Variants in ADGRL2 observed in about 807,000 individuals in gnomAD.
ADGRL2 encodes adhesion G protein-coupled receptor L2.
In ADGRL2, 44 loss-of-function variants were observed where a neutral mutation model predicts 157.4. The observed-to-expected ratio is 0.28, with a 90% CI of 0.22 to 0.36. The LOEUF (loss-of-function observed/expected upper bound fraction) is 0.36. ADGRL2 is among the 10% of genes least tolerant of loss of function. The pLI, the probability that ADGRL2 is intolerant of heterozygous loss-of-function variation, is 1.00. For synonymous variants in ADGRL2, 585 were observed against 624.7 expected (o/e 0.94, Z 0.95); for missense variants, 1,510 against 1,768.9 (o/e 0.85, Z 2.63).
chr1:81,604,741 A>C (rs2081399764), intron 3 of ADGRL2, among the ~76,000 whole-genome samples: 2 of 152,104 alleles, frequency 1.3e-5, no homozygotes, highest in Non-Finnish European at 2.9e-5. Flanking sequence ...TAGCAGCAGC[A>C]TCTTCTCATC....
chr1:81,384,427 A>T (rs1264665068), intron 1 of ADGRL2, among the ~76,000 whole-genome samples: 1 of 152,130 alleles, frequency 6.6e-6, no homozygotes, highest in African/African-American at 2.4e-5. Flanking sequence ...CTTAAAACTC[A>T]TTACCTGGTT....
intron 1 of ADGRL2, among the ~76,000 whole-genome samples, chr1:81,380,243 T>G (rs772226980): frequency 6.6e-6 from 1 of 152,246 alleles, no homozygotes; most frequent in Non-Finnish European, 1.5e-5. Context: ...TTTCCTCTTT[T>G]GTGAATTTTC....
chr1:81,358,738 G>A (rs1553156983), intron 1 of ADGRL2, among the ~76,000 whole-genome samples: 2 of 152,090 alleles, frequency 1.3e-5, no homozygotes, highest in African/African-American at 4.8e-5. Context: ...AGTACCTACT[G>A]TTGTCCTCAC....
At chr1:81,556,706 A>G (rs907021358) in intron 2 of ADGRL2, among the ~76,000 whole-genome samples, 27 of 152,150 alleles carry the variant, frequency 1.8e-4, no homozygotes, top group African/African-American at 6.5e-4. Context: ...AAAATAGTGG[A>G]ACATTTTTCA....
At chr1:81,469,469 ACT>A (rs1335641088) in intron 2 of ADGRL2, among the ~76,000 whole-genome samples, 1 of 151,444 alleles carries the variant, frequency 6.6e-6, no homozygotes, top group Non-Finnish European at 1.5e-5. Context: ...TCCCTTTTAT[ACT>A]CTTTCATCCC....
intron 1 of ADGRL2, among the ~76,000 whole-genome samples, chr1:81,311,659 C>A (rs1468407407): frequency 6.6e-6 from 1 of 152,188 alleles, no homozygotes; most frequent in African/African-American, 2.4e-5. Flanking sequence ...CCATCCAACA[C>A]ATTTCTTAAG....
chr1:81,734,549 A>C (rs1389406339), intron 1 of ADGRL2, among the ~76,000 whole-genome samples: 2 of 146,336 alleles, frequency 1.4e-5, no homozygotes, highest in Non-Finnish European at 3.0e-5. Context: ...TGAGAGAATA[A>C]ATTTCTGTTG....
intron 1 of ADGRL2, among the ~76,000 whole-genome samples, chr1:81,366,397 C>G (rs1398951844): frequency 1.3e-5 from 2 of 152,072 alleles, no homozygotes; most frequent in Non-Finnish European, 2.9e-5. Flanking sequence ...TAGCAACATG[C>G]CAGAAACTCT....
chr1:81,681,568 T>A (rs1444824194), intron 3 of ADGRL2, among the ~76,000 whole-genome samples: 1 of 152,248 alleles, frequency 6.6e-6, no homozygotes. Flanking sequence ...GTTTGGGAAC[T>A]AGGCAAAGAG....
At chr1:81,625,810 C>T (rs993203666) in intron 3 of ADGRL2, 7 of 152,308 alleles carry the variant, frequency 4.6e-5, no homozygotes, top group African/African-American at 1.4e-4. Flanking sequence ...AGAAGCTCCA[C>T]CAGCAACCCA....
In ADGRL2 at chr1:81,517,190, CG is replaced by C. The variant is rs763711513; in HGVS notation, c.-247-63684del. 1.5e-3 allele frequency among the ~76,000 whole-genome samples: 230 copies of C among 152,008 alleles called. 1 individual carries two copies. The highest frequency in any genetic ancestry group is 2.1e-3 in the Admixed American group (32 of 15,276). On this transcript the variant is annotated intron_variant, in intron 2 of 24. Transcript: ENST00000370721. ...GTTATTGGTTGAAGAATGTCAAAAC[CG>C]GCCGGGCACGGTGGCTCACGCCTGT...
At position 81,959,027 on chromosome 1, in the gene ADGRL2, A is replaced by G. The variant is rs887430343; in HGVS notation, c.2017+2967A>G. 6.6e-5 allele frequency among the ~76,000 whole-genome samples: 10 copies of G among 152,322 alleles called. No individual in the cohort carries two copies. The East Asian group carries it at 1.7e-3, about 26-fold the overall frequency. The stretch of plus-strand genomic sequence containing the variant: ...ATTGTGAAGACATACCACAATTTGT[A>G]TATCTACTCACTTAGACATATTGAA... On this transcript the variant is annotated intron_variant, in intron 11 of 23. Transcript: ENST00000686636.
upstream of ADGRL2, among the ~76,000 whole-genome samples, chr1:81,800,033 A>G (rs1212517533): frequency 1.3e-5 from 2 of 152,090 alleles, no homozygotes; most frequent in Non-Finnish European, 2.9e-5. Context: ...GTTTGCTGAC[A>G]TTGCCAACCG....
intron 3 of ADGRL2, among the ~76,000 whole-genome samples, chr1:81,923,218 G>A (rs993099): frequency 0.35 from 52,878 of 152,002 alleles, 9,481 homozygotes; most frequent in Middle Eastern, 0.43. Flanking sequence ...TACAGCTAAC[G>A]TGGGGTTTTT....
At chr1:81,391,144 G>T (rs1315905717) in intron 1 of ADGRL2, among the ~76,000 whole-genome samples, 1 of 152,302 alleles carries the variant, frequency 6.6e-6, no homozygotes, top group Admixed American at 6.5e-5. Context: ...ATAAATAAAT[G>T]CCCTTATCTG....
At chr1:81,742,539 T>C (rs796243947) in intron 1 of ADGRL2, among the ~76,000 whole-genome samples, 3 of 152,190 alleles carry the variant, frequency 2.0e-5, no homozygotes, top group Admixed American at 1.3e-4. Flanking sequence ...TTGTATATTT[T>C]GCCTTCAAAA....
chr1:81,670,625 C>G (rs927423067), intron 3 of ADGRL2, among the ~76,000 whole-genome samples: 1 of 152,200 alleles, frequency 6.6e-6, no homozygotes, highest in Non-Finnish European at 1.5e-5. Context: ...ACCCACCAAT[C>G]AGAGGCAGTA....
intron 3 of ADGRL2, among the ~76,000 whole-genome samples, chr1:81,931,444 C>G (rs1309306172): frequency 6.6e-6 from 1 of 151,942 alleles, no homozygotes; most frequent in African/African-American, 2.4e-5. Flanking sequence ...AAAGTTGCAA[C>G]CAGAAATTAT....
rs143380698 is a variant in ADGRL2 at position 81,321,497 on chromosome 1, C to G, written c.-302+14988C>G. ...AAGTTAGAGGCAACCCTTCCTTTCACGTAGAGGCCATTGTATGGTTATTAA... is the reference window on the plus strand; with the variant it reads ...AAGTTAGAGGCAACCCTTCCTTTCAGGTAGAGGCCATTGTATGGTTATTAA... On this transcript the variant is annotated intron_variant, in intron 1 of 24. Coordinates refer to the ADGRL2 transcript ENST00000370721. Among the ~76,000 whole-genome samples the G allele has an allele frequency of 1.7e-3, 260 of 152,198 alleles. 1 individual carries two copies. Among genetic ancestry groups the G allele is most frequent in the African/African-American group, 5.5e-3 (229 of 41,528 alleles).
Sources: allele counts gnomAD v4.1 joint callset (sites outside exome capture counted in the v4.1 genomes callset), GRCh38; gene constraint gnomAD v4.1.1; transcripts MANE v1.5; gene names NCBI Gene and HGNC (gene_info 2026-07-23, HGNC 2026-07-21).